NCAM2: variants seen among roughly 807,000 people sequenced by gnomAD.
NCAM2 encodes N-CAM-2.
Under a neutral mutation model 98.1 loss-of-function variants are expected in NCAM2, and 30 were observed. That is an observed-to-expected ratio of 0.31 (90% CI 0.23 to 0.41). The LOEUF is 0.41. Ranked by LOEUF, NCAM2 falls within the 10% of genes least tolerant of loss-of-function variation. The pLI is 1.00. For missense variants in NCAM2, 867 were observed against 1,005.8 expected (o/e 0.86, Z 1.87); for synonymous variants, 368 against 342.4 (o/e 1.07, Z -0.83).
chr21:21,236,256 G>T (rs1400405756), intron 1 of NCAM2, among the ~76,000 whole-genome samples: 1 of 151,762 alleles, frequency 6.6e-6, no homozygotes, highest in Non-Finnish European at 1.5e-5. Context: ...ATATAATAGA[G>T]TAATTTCTGC....
At chr21:21,528,811 T>A (rs1989470623) in intron 16 of NCAM2, among the ~76,000 whole-genome samples, 1 of 151,994 alleles carries the variant, frequency 6.6e-6, no homozygotes, top group African/African-American at 2.4e-5. Flanking sequence ...ATTACACTAA[T>A]CTAAATAATA....
chr21:21,082,619 T>C (rs2065830448), intron 1 of NCAM2, among the ~76,000 whole-genome samples: 1 of 152,214 alleles, frequency 6.6e-6, no homozygotes, highest in African/African-American at 2.4e-5. Context: ...ATACCTAAAA[T>C]GTTTTATATT....
At chr21:21,310,830 C>G (rs1398393761) in intron 5 of NCAM2, among the ~76,000 whole-genome samples, 2 of 152,100 alleles carry the variant, frequency 1.3e-5, no homozygotes, top group Admixed American at 1.3e-4. Context: ...TAGTCACTTC[C>G]TCTTTCAACC....
chr21:21,254,696 A>G (rs1196902599), intron 1 of NCAM2, among the ~76,000 whole-genome samples: 1 of 152,172 alleles, frequency 6.6e-6, no homozygotes, highest in Admixed American at 6.6e-5. Flanking sequence ...AGTTGTAAAG[A>G]GCTGTAATGG....
At chr21:21,297,284 G>A (rs1166737045) in intron 5 of NCAM2, among the ~76,000 whole-genome samples, 1 of 151,738 alleles carries the variant, frequency 6.6e-6, no homozygotes, top group African/African-American at 2.4e-5. Context: ...CATGACTTCA[G>A]TATTCTATTT....
intron 1 of NCAM2, among the ~76,000 whole-genome samples, chr21:21,071,531 G>A (rs2065562971): frequency 6.6e-6 from 1 of 152,142 alleles, no homozygotes; most frequent in Non-Finnish European, 1.5e-5. Context: ...AGATTTTCAT[G>A]CCTTTAAAGT....
chr21:21,285,643 T>G (rs1318553503), intron 3 of NCAM2, among the ~76,000 whole-genome samples: 2 of 151,982 alleles, frequency 1.3e-5, no homozygotes, highest in African/African-American at 4.8e-5. Context: ...TGTGAGAATT[T>G]CTCATCAAGC....
intron 1 of NCAM2, among the ~76,000 whole-genome samples, chr21:21,243,134 C>T (rs866364992): frequency 6.6e-6 from 1 of 152,106 alleles, no homozygotes; most frequent in African/African-American, 2.4e-5. Flanking sequence ...ATACTTCCAA[C>T]GTTTTAAGAG....
At chr21:21,045,290 A>G (rs1019330087) in intron 1 of NCAM2, among the ~76,000 whole-genome samples, 3 of 152,210 alleles carry the variant, frequency 2.0e-5, no homozygotes, top group African/African-American at 7.2e-5. Context: ...TAAATAAAAT[A>G]CAAATATCAT....
chr21:21,003,498 A>G (rs2146107069), intron 1 of NCAM2, among the ~76,000 whole-genome samples: 1 of 152,278 alleles, frequency 6.6e-6, no homozygotes, highest in East Asian at 1.9e-4. Flanking sequence ...AAAATTTGAT[A>G]TTATAAAATC....
At chr21:21,181,054 C>G (rs1268159446) in intron 1 of NCAM2, among the ~76,000 whole-genome samples, 2 of 152,226 alleles carry the variant, frequency 1.3e-5, no homozygotes, top group Middle Eastern at 3.4e-3. Flanking sequence ...AAGCTATATT[C>G]TGAAACCTAA....
intron 8 of NCAM2, among the ~76,000 whole-genome samples, chr21:21,339,481 T>C (rs62207692): frequency 0.57 from 86,159 of 151,788 alleles, 24,659 homozygotes; most frequent in Admixed American, 0.65. Flanking sequence ...TGGTGAAATA[T>C]TGAAATGATA....
intron 5 of NCAM2, among the ~76,000 whole-genome samples, chr21:21,319,568 G>T (rs551851574): frequency 2.5e-4 from 38 of 152,278 alleles, no homozygotes; most frequent in African/African-American, 8.7e-4. Context: ...TTGAACCCAG[G>T]AGGCAGAGGT....
chr21:21,482,725 TTTC>T (rs1985999824), intron 15 of NCAM2, among the ~76,000 whole-genome samples: 1 of 151,716 alleles, frequency 6.6e-6, no homozygotes. Flanking sequence ...GGATACTACA[TTTC>T]TTCTTAGTTT....
At chr21:21,138,758 A>C (rs896452946) in intron 1 of NCAM2, among the ~76,000 whole-genome samples, 2 of 152,188 alleles carry the variant, frequency 1.3e-5, no homozygotes, top group African/African-American at 4.8e-5. Context: ...TTTTATAGCT[A>C]AACATTCTGA....
At chr21:21,175,023 T>G (rs1035457224) in intron 1 of NCAM2, among the ~76,000 whole-genome samples, 1 of 152,032 alleles carries the variant, frequency 6.6e-6, no homozygotes, top group Non-Finnish European at 1.5e-5. Flanking sequence ...ATTATATAGA[T>G]CCTTGCAAGT....
chr21:21,385,151 A>G (rs2076239586), intron 9 of NCAM2, among the ~76,000 whole-genome samples: 2 of 151,980 alleles, frequency 1.3e-5, no homozygotes, highest in South Asian at 4.1e-4. Context: ...TAATAAGTAT[A>G]TTTTTTGGCA....
At chr21:21,464,234 A>G (rs919833295) in intron 12 of NCAM2, among the ~76,000 whole-genome samples, 17 of 152,104 alleles carry the variant, frequency 1.1e-4, no homozygotes, top group African/African-American at 3.9e-4. Flanking sequence ...GGCATACCAT[A>G]TATCAAAGTT....
At chr21:21,342,685 G>C (rs1045827015) in intron 8 of NCAM2, among the ~76,000 whole-genome samples, 6 of 152,120 alleles carry the variant, frequency 3.9e-5, no homozygotes, top group Non-Finnish European at 7.4e-5. Context: ...CAAATTATAA[G>C]GTCGCCCAAA....
Sources: gnomAD v4.1 joint callset for allele counts (sites outside exome capture counted in the v4.1 genomes callset) on GRCh38, gnomAD v4.1.1 for gene constraint, MANE v1.5 for transcripts, NCBI Gene and HGNC (gene_info 2026-07-23, HGNC 2026-07-21) for gene names.